The following STK32B variants were observed in gnomAD, a reference collection of about 807,000 sequenced individuals.
STK32B encodes serine/threonine kinase 32B, also known as serine/threonine-protein kinase 32B.
In STK32B, 43 loss-of-function variants were observed where a neutral mutation model predicts 52.6. The observed-to-expected ratio is 0.82, with a 90% confidence interval of 0.64 to 1.05. STK32B has a LOEUF of 1.05. Ranked by LOEUF, STK32B falls within the 50% of genes least tolerant of loss-of-function variation. STK32B has a pLI of 0.00. For synonymous variants in STK32B, 238 were observed against 204.3 expected, an observed-to-expected ratio of 1.17 and a Z score of -1.41; for missense variants, 621 against 534.6, an observed-to-expected ratio of 1.16 and a Z score of -1.59.
intron 1 of STK32B, among the ~76,000 whole-genome samples, chr4:5,106,850 C>G (rs1211423019): frequency 6.6e-6 from 1 of 152,178 alleles, no homozygotes; most frequent in Non-Finnish European, 1.5e-5. Flanking sequence ...ATTTGTTCCC[C>G]TGGCCCTTAA....
chr4:5,188,971 C>A (rs540476421), intron 3 of STK32B, among the ~76,000 whole-genome samples: 1 of 151,722 alleles, frequency 6.6e-6, no homozygotes, highest in Non-Finnish European at 1.5e-5. Context: ...ATGTAACAAA[C>A]CTGCACGTTG....
intron 3 of STK32B, among the ~76,000 whole-genome samples, chr4:5,299,636 T>A (rs1360528398): frequency 6.6e-6 from 1 of 152,212 alleles, no homozygotes; most frequent in East Asian, 1.9e-4. Context: ...TGTCTATTTT[T>A]GTACCAGAAT....
intron 1 of STK32B, among the ~76,000 whole-genome samples, chr4:5,106,200 G>A (rs968175195): frequency 6.6e-6 from 1 of 152,072 alleles, no homozygotes; most frequent in Non-Finnish European, 1.5e-5. Flanking sequence ...TACTTGGGAG[G>A]CTGATGCAGG....
intron 3 of STK32B, among the ~76,000 whole-genome samples, chr4:5,191,165 A>G (rs1721169616): frequency 6.6e-6 from 1 of 152,006 alleles, no homozygotes; most frequent in African/African-American, 2.4e-5. Flanking sequence ...CCATGGTGCC[A>G]TAGGGGGTCC....
the STK32B span, among the ~76,000 whole-genome samples, chr4:5,036,215 G>T: frequency 6.6e-6 from 1 of 152,214 alleles, no homozygotes; most frequent in African/African-American, 2.4e-5. Flanking sequence ...AAACCAATCT[G>T]AAAGCTGCTG....
Position 5,482,058 on chromosome 4 carries a change from G to C in STK32B, c.1106+13988G>C, listed in dbSNP as rs1226853509. 3.9e-5 allele frequency among the ~76,000 whole-genome samples: 6 copies of C among 152,134 alleles called. No homozygotes were observed. The South Asian group carries it at 6.2e-4, about 16-fold the overall frequency. ...TGTTCTTTTGGCCTAGGATTGACTT[G>C]GCAATGTGGGCTCTATTTTGGTTCC... On this transcript the variant is annotated intron_variant, in intron 11 of 11. Coordinates refer to ENST00000282908, the MANE Select transcript of STK32B (RefSeq NM_018401.3).
At chr4:5,246,583 A>T (rs1324021903) in intron 3 of STK32B, among the ~76,000 whole-genome samples, 2 of 152,142 alleles carry the variant, frequency 1.3e-5, no homozygotes, top group Non-Finnish European at 2.9e-5. Flanking sequence ...TGTCATAGTC[A>T]TTCTCTGTCC....
rs924610877 is a variant in STK32B, at chr4:5,394,819, A to G, written c.435-3388A>G. 8.5e-5 allele frequency among the ~76,000 whole-genome samples: 13 copies of G among 152,260 alleles called. No individual in the cohort carries two copies. Among genetic ancestry groups the G allele is most frequent in the African/African-American group, 2.9e-4 (12 of 41,472 alleles). ...CTGAGAGTAAGTGGCCCAAGATCAT[A>G]TAGCTAGAGAATTAGTTTTCTATTG... is the stretch of plus-strand genomic sequence containing the variant. On this transcript the variant is annotated intron_variant, in intron 4 of 11. Transcript: ENST00000282908. This position sits in a 1 kb window ranked among gnomAD's most constrained non-coding sequence, Gnocchi z 4.2.
intron 2 of STK32B, among the ~76,000 whole-genome samples, chr4:5,159,236 A>T (rs1718116978): frequency 6.6e-6 from 1 of 152,098 alleles, no homozygotes; most frequent in Non-Finnish European, 1.5e-5. Context: ...GACTGAGGAA[A>T]CGTATTTTGG....
intron 2 of STK32B, among the ~76,000 whole-genome samples, chr4:5,159,616 T>A (rs1247350094): frequency 8.2e-6 from 1 of 121,600 alleles, no homozygotes; most frequent in African/African-American, 3.7e-5. Flanking sequence ...TATGAATATA[T>A]ATGAATATAT....
chr4:5,199,565 CTA>C (rs1315912825), intron 3 of STK32B, among the ~76,000 whole-genome samples: 2 of 150,856 alleles, frequency 1.3e-5, no homozygotes, highest in African/African-American at 4.9e-5. Flanking sequence ...AGATTGTATT[CTA>C]TGTCTTTAAA....
Position 5,495,571 on chromosome 4 carries a change from C to G in STK32B, c.1107-3374C>G, listed in dbSNP as rs189139759. ...TTGATCGTCTGAAGCCTTCTTCTCTCAACTCGTCAAAGTCATTCTCCCTCC... is the reference window on the plus strand; with the variant it reads ...TTGATCGTCTGAAGCCTTCTTCTCTGAACTCGTCAAAGTCATTCTCCCTCC... On this transcript the variant is annotated intron_variant, in intron 11 of 11. Coordinates refer to ENST00000282908, the MANE Select transcript of STK32B (RefSeq NM_018401.3). 2.7e-3 allele frequency among the ~76,000 whole-genome samples: 417 copies of G among 152,358 alleles called. 1 individual carries two copies. Among genetic ancestry groups the G allele is most frequent in the Non-Finnish European group, 4.5e-3 (308 of 68,044 alleles).
At chr4:5,385,714 A>G (rs1331303543) in intron 4 of STK32B, among the ~76,000 whole-genome samples, 2 of 151,948 alleles carry the variant, frequency 1.3e-5, no homozygotes, top group African/African-American at 4.8e-5. Context: ...AGGCTCCTGC[A>G]CTCAGTCCAT....
chr4:5,148,071 T>G (rs1717054879), intron 2 of STK32B, among the ~76,000 whole-genome samples: 1 of 151,936 alleles, frequency 6.6e-6, no homozygotes, highest in Admixed American at 6.6e-5. Context: ...AATTACCTTC[T>G]TTAGTAGATA....
At chr4:5,321,188 C>T (rs1384084312) in intron 3 of STK32B, among the ~76,000 whole-genome samples, 1 of 152,058 alleles carries the variant, frequency 6.6e-6, no homozygotes, top group Non-Finnish European at 1.5e-5. Context: ...CATAATAATG[C>T]CTACACCAAA....
chr4:5,303,346 T>TAATTTTTG (rs1553867163), intron 3 of STK32B, among the ~76,000 whole-genome samples: 2 of 152,144 alleles, frequency 1.3e-5, no homozygotes, highest in African/African-American at 4.8e-5. Flanking sequence ...CAACATCTAT[T>TAATTTTTG]ATTTTTTGAT....
chr4:5,211,149 A>G (rs1469726025), intron 3 of STK32B, among the ~76,000 whole-genome samples: 2 of 152,154 alleles, frequency 1.3e-5, no homozygotes, highest in Non-Finnish European at 2.9e-5. Flanking sequence ...GTGGCATACC[A>G]AAAGCTCTGA....
intron 3 of STK32B, among the ~76,000 whole-genome samples, chr4:5,188,387 G>A (rs1414917816): frequency 6.6e-6 from 1 of 152,196 alleles, no homozygotes; most frequent in African/African-American, 2.4e-5. Flanking sequence ...TGATCCTCAA[G>A]TGTTTGAAAG....
rs58580904 is a variant in STK32B at position 5,362,817 on chromosome 4, A to G, written c.434+31424A>G. Among the ~76,000 whole-genome samples the G allele has an allele frequency of 6.5e-4, 99 of 152,292 alleles. 2 individuals carry two copies. The East Asian group carries it at 0.018, about 27-fold the overall frequency. On this transcript the variant is annotated intron_variant, in intron 4 of 11. Coordinates refer to ENST00000282908, the MANE Select transcript of STK32B (RefSeq NM_018401.3). ...CCTTCCCTGAGGCAAAGGCACCTGG[A>G]CACTGGAGATCTGATCACTACCAGG...
Sources: allele counts gnomAD v4.1 joint callset (sites outside exome capture counted in the v4.1 genomes callset), GRCh38; gene constraint gnomAD v4.1.1; non-coding constraint Gnocchi (gnomAD v3.1); transcripts MANE v1.5; gene names NCBI Gene and HGNC (gene_info 2026-07-23, HGNC 2026-07-21).